The following FTCDNL1 variants were observed in gnomAD, a reference collection of about 807,000 sequenced individuals.
FTCDNL1 encodes formiminotransferase cyclodeaminase N-terminal like.
A neutral mutation model predicts 5.9 loss-of-function variants in FTCDNL1; 11 were observed. That is an observed-to-expected ratio of 1.87 (90% CI 1.18 to 3.10). The LOEUF is 3.10. Ranked by LOEUF, FTCDNL1 falls within the 30% of genes most tolerant of loss-of-function variation. The pLI, the probability that FTCDNL1 is intolerant of heterozygous loss-of-function variation, is 0.00. For synonymous variants in FTCDNL1, 58 were observed against 24.8 expected, an observed-to-expected ratio of 2.34 and a Z score of -3.99; for missense variants, 115 against 65.5, an observed-to-expected ratio of 1.76 and a Z score of -2.61.
the FTCDNL1 span, among the ~76,000 whole-genome samples, chr2:199,673,508 T>C: frequency 6.6e-6 from 1 of 152,302 alleles, no homozygotes; most frequent in East Asian, 1.9e-4. Context: ...CATCATTTTT[T>C]GTTTTAATTT....
downstream of FTCDNL1, among the ~76,000 whole-genome samples, chr2:199,808,269 G>A (rs748655304): frequency 5.3e-5 from 8 of 152,120 alleles, no homozygotes; most frequent in Non-Finnish European, 7.4e-5. Context: ...TTTCTTTATA[G>A]CAATACAAGA....
intron 3 of FTCDNL1, among the ~76,000 whole-genome samples, chr2:199,800,654 A>C (rs1322611966): frequency 6.6e-6 from 1 of 152,200 alleles, no homozygotes; most frequent in Non-Finnish European, 1.5e-5. Flanking sequence ...AATGATAGTA[A>C]TCTGTCATTT....
rs938648988 is a variant in FTCDNL1, at chr2:199,851,157, G to A, written c.-425C>T. 1 of 147,928 alleles carries A rather than the reference G, an allele frequency of 6.8e-6. No homozygotes were observed. The highest frequency in any genetic ancestry group is 1.5e-5 in the Non-Finnish European group (1 of 66,522). 9.2% of individuals were successfully genotyped at this position (147,928 alleles called of 1,614,324 possible). ...TGGCCCGCGCGCAGCCTCCGCCGCC[G>A]CGCGTGGCCCGCGCGCAGCGTCTGC... On this transcript the variant is annotated 5_prime_UTR_variant, in exon 1 of 5. Coordinates refer to ENST00000420128, the MANE Select transcript of FTCDNL1 (RefSeq NM_001363886.2).
chr2:199,681,972 G>T, the FTCDNL1 span, among the ~76,000 whole-genome samples: 1 of 151,602 alleles, frequency 6.6e-6, no homozygotes, highest in African/African-American at 2.4e-5. Flanking sequence ...GCCCAAAGAG[G>T]ACAGAAAGGG....
chr2:199,702,363 G>A, the FTCDNL1 span, among the ~76,000 whole-genome samples: 1 of 152,130 alleles, frequency 6.6e-6, no homozygotes, highest in Non-Finnish European at 1.5e-5. Flanking sequence ...GGTAACAAAG[G>A]TGGGAAAAAA....
chr2:199,680,231 C>T, the FTCDNL1 span, among the ~76,000 whole-genome samples: 10 of 152,184 alleles, frequency 6.6e-5, no homozygotes, highest in East Asian at 7.7e-4. Context: ...AGTTTGTAAC[C>T]TCAATATAAG....
At chr2:199,769,375 T>C (rs1698694422) in intron 3 of FTCDNL1, among the ~76,000 whole-genome samples, 1 of 152,098 alleles carries the variant, frequency 6.6e-6, no homozygotes, top group African/African-American at 2.4e-5. Context: ...TCTCATGAGC[T>C]CTGATAGTTT....
intron 3 of FTCDNL1, among the ~76,000 whole-genome samples, chr2:199,765,549 TA>T (rs1430360277): frequency 0.021 from 1,982 of 95,888 alleles, 31 homozygotes; most frequent in Non-Finnish European, 0.026. Context: ...TATATATATA[TA>T]TATATATTTT....
At chr2:199,801,177 T>C (rs980490562) in intron 3 of FTCDNL1, among the ~76,000 whole-genome samples, 4 of 151,904 alleles carry the variant, frequency 2.6e-5, no homozygotes, top group Middle Eastern at 3.2e-3. Flanking sequence ...GCAAGAGGAG[T>C]ACTCCTGGGA....
chr2:199,672,093 C>G, the FTCDNL1 span, among the ~76,000 whole-genome samples: 1 of 152,142 alleles, frequency 6.6e-6, no homozygotes, highest in African/African-American at 2.4e-5. Context: ...AGACTACACT[C>G]TGTTTGTACT....
At chr2:199,673,327 C>CAAAAAAAA in the FTCDNL1 span, among the ~76,000 whole-genome samples, 272 of 69,756 alleles carry the variant, frequency 3.9e-3, 7 homozygotes, top group African/African-American at 0.015. Context: ...GACTCTGTCT[C>CAAAAAAAA]AAAAAAAAAA....
At chr2:199,770,996 G>C (rs1698780929) in intron 3 of FTCDNL1, among the ~76,000 whole-genome samples, 1 of 152,208 alleles carries the variant, frequency 6.6e-6, no homozygotes, top group Non-Finnish European at 1.5e-5. Flanking sequence ...CCAAATGCAA[G>C]CTCACAGTAC....
At chr2:199,793,659 C>T (rs1021621322) in intron 3 of FTCDNL1, among the ~76,000 whole-genome samples, 5 of 152,098 alleles carry the variant, frequency 3.3e-5, no homozygotes, top group African/African-American at 4.8e-5. Flanking sequence ...CCCAGTGTAA[C>T]AATAAATGCA....
chr2:199,685,998 T>C, the FTCDNL1 span, among the ~76,000 whole-genome samples: 2 of 152,320 alleles, frequency 1.3e-5, no homozygotes, highest in African/African-American at 4.8e-5. Context: ...CATTTTATTA[T>C]TGAGAAATGA....
At chr2:199,801,231 C>T (rs1700429152) in intron 3 of FTCDNL1, among the ~76,000 whole-genome samples, 1 of 152,190 alleles carries the variant, frequency 6.6e-6, no homozygotes, top group African/African-American at 2.4e-5. Flanking sequence ...TCACTAGACA[C>T]GGATGTGACT....
chr2:199,812,410 T>C lies in FTCDNL1; in HGVS notation c.*295A>G. On this transcript the variant is annotated 3_prime_UTR_variant, in exon 5 of 5. Coordinates refer to ENST00000420128, the MANE Select transcript of FTCDNL1 (RefSeq NM_001363886.2). Reference sequence around the variant, plus strand: ...TCTGTGTTTAAATCCAGCAGTCCCATTGACCTTATTTAAATGCTGAATTTG... The same window carrying C: ...TCTGTGTTTAAATCCAGCAGTCCCACTGACCTTATTTAAATGCTGAATTTG... 3.0e-6 allele frequency: 1 copy of C among 333,216 alleles called. No individual in the cohort carries two copies. The highest frequency in any genetic ancestry group is 5.4e-6 in the Non-Finnish European group (1 of 186,608). The allele number at this position is 333,216 out of a possible 1,614,324, so 20.6% of individuals were successfully genotyped here. A position where few individuals can be genotyped will look rare whatever the true frequency, so the allele number is the denominator to read the frequency against.
intron 3 of FTCDNL1, among the ~76,000 whole-genome samples, chr2:199,825,984 A>C (rs1311879865): frequency 6.6e-6 from 1 of 152,226 alleles, no homozygotes; most frequent in East Asian, 1.9e-4. Flanking sequence ...TATGTGCTCC[A>C]GCCATAACTT....
chr2:199,762,529 G>T (rs897808366), intron 3 of FTCDNL1, among the ~76,000 whole-genome samples: 6 of 152,182 alleles, frequency 3.9e-5, no homozygotes, highest in Non-Finnish European at 8.8e-5. Flanking sequence ...GAAAACTGGG[G>T]TCTCTTCTGT....
chr2:199,753,959 T>G, the FTCDNL1 span, among the ~76,000 whole-genome samples: 1 of 152,214 alleles, frequency 6.6e-6, no homozygotes, highest in African/African-American at 2.4e-5. Flanking sequence ...AATGAGTTAT[T>G]TATTAATGAA....
Sources: gnomAD v4.1 joint callset for allele counts (sites outside exome capture counted in the v4.1 genomes callset) on GRCh38, gnomAD v4.1.1 for gene constraint, MANE v1.5 for transcripts, NCBI Gene and HGNC (gene_info 2026-07-23, HGNC 2026-07-21) for gene names.